The following UTRN variants were observed in gnomAD, a reference collection of about 807,000 sequenced individuals.
UTRN encodes the protein dystrophin-related protein 1.
In UTRN, 283 loss-of-function variants were observed where a neutral mutation model predicts 463.9. The ratio of observed to expected loss-of-function variants is 0.61; its 90% CI spans 0.55 to 0.67. The LOEUF (loss-of-function observed/expected upper bound fraction) is 0.67. Ranked by LOEUF, UTRN falls within the 30% of genes least tolerant of loss-of-function variation. UTRN has a pLI of 0.00. For synonymous variants in UTRN, 1,442 were observed against 1,431.5 expected (o/e 1.01, Z -0.17); for missense variants, 3,922 against 4,084.3 (o/e 0.96, Z 1.08).
chr6:144,828,358 C>G (rs1780370526), intron 68 of UTRN, among the ~76,000 whole-genome samples: 2 of 152,062 alleles, frequency 1.3e-5, no homozygotes, highest in Non-Finnish European at 2.9e-5. Context: ...GTGAAGGACA[C>G]AGAAGTTGAG....
At chr6:144,456,633 C>T (rs1298074253) in intron 19 of UTRN, among the ~76,000 whole-genome samples, 1 of 147,528 alleles carries the variant, frequency 6.8e-6, no homozygotes, top group African/African-American at 2.5e-5. Context: ...AGCCTGGTGA[C>T]AGAGCAAGAC....
intron 46 of UTRN, among the ~76,000 whole-genome samples, chr6:144,547,951 A>AC (rs1798556218): frequency 6.6e-6 from 1 of 152,216 alleles, no homozygotes; most frequent in Non-Finnish European, 1.5e-5. Context: ...AATATATCAT[A>AC]CCTGAAGTAG....
chr6:144,643,843 G>A (rs970144149), intron 51 of UTRN, among the ~76,000 whole-genome samples: 3 of 151,954 alleles, frequency 2.0e-5, no homozygotes, highest in African/African-American at 7.3e-5. Context: ...CCTGAGACTG[G>A]ATCAAAAATT....
chr6:144,577,195 A>G lies in UTRN; in HGVS notation c.7386A>G (p.Ala2462=), dbSNP rs776715514. The part of the protein sequence containing the change: ...LENFLKWIQE[A]ETTVNVLVDA... Reference sequence around the variant, plus strand: ...ACTTCCTGAAGTGGATCCAAGAAGCAGAGACCACAGTGAATGTGCTTGTGG... The same window carrying G: ...ACTTCCTGAAGTGGATCCAAGAAGCGGAGACCACAGTGAATGTGCTTGTGG... Residue 2462 remains alanine (A), a synonymous_variant, in exon 51 of 75, where the codon GCA becomes GCG. Coordinates refer to ENST00000367545, the MANE Select transcript of UTRN (RefSeq NM_007124.3). 1.2e-6 allele frequency: 2 copies of G among 1,613,884 alleles called. No homozygotes were observed. Among genetic ancestry groups the G allele is most frequent in the Non-Finnish European group, 1.7e-6 (2 of 1,179,942 alleles).
chr6:144,612,917 C>T (rs926776736), intron 51 of UTRN, among the ~76,000 whole-genome samples: 1 of 152,038 alleles, frequency 6.6e-6, no homozygotes, highest in Non-Finnish European at 1.5e-5. Flanking sequence ...TTCATTGTAG[C>T]ATTATTCACA....
At chr6:144,556,631 A>G (rs1799408523) in intron 49 of UTRN, among the ~76,000 whole-genome samples, 1 of 152,222 alleles carries the variant, frequency 6.6e-6, no homozygotes, top group Non-Finnish European at 1.5e-5. Flanking sequence ...ATGCCAGTGG[A>G]CAAATTCAGC....
intron 3 of UTRN, among the ~76,000 whole-genome samples, chr6:144,419,662 T>C (rs1472137274): frequency 6.6e-6 from 1 of 152,140 alleles, no homozygotes; most frequent in East Asian, 1.9e-4. Context: ...CTGAATGTTT[T>C]AAAAGATAAT....
chr6:144,795,434 G>A (rs1777128180), intron 63 of UTRN, among the ~76,000 whole-genome samples: 1 of 152,154 alleles, frequency 6.6e-6, no homozygotes, highest in East Asian at 1.9e-4. Flanking sequence ...CTATATCCTT[G>A]AGGAATTGCC....
intron 23 of UTRN, 25 bp from the exon 24 acceptor site, chr6:144,473,695 C>T: frequency 6.3e-7 from 1 of 1,591,262 alleles, no homozygotes; most frequent in South Asian, 1.1e-5. Context: ...AAGTAATATC[C>T]CCCTCTGTTA....
chr6:144,301,540 T>C (rs200796399), intron 2 of UTRN, among the ~76,000 whole-genome samples: 24 of 73,170 alleles, frequency 3.3e-4, no homozygotes, highest in African/African-American at 2.2e-3. Flanking sequence ...TTCTTTCTTT[T>C]TTTTTTTTTT....
At position 144,622,184 on chromosome 6, in the gene UTRN, G is replaced by GTTGTTTT. The variant is rs1371864579; in HGVS notation, c.7479+44898_7479+44899insGTTTTTT. Among the ~76,000 whole-genome samples the GTTGTTTT allele has an allele frequency of 5.0e-4, 44 of 88,216 alleles. No homozygotes were observed. The East Asian group carries it at 6.5e-3, about 13-fold the overall frequency. 57.9% of individuals were successfully genotyped at this position (88,216 alleles called of 152,430 possible). A position where few individuals can be genotyped will look rare whatever the true frequency, so the allele number is the denominator to read the frequency against. ...TAGATGGTATCCATTTTTTTTTGTTGTTTTTTTTTTTTTTTTTTTTTGGAG... is the reference window on the plus strand; with the variant it reads ...TAGATGGTATCCATTTTTTTTTGTTGTTGTTTTTTTTTTTTTTTTTTTTTTTTTGGAG... On this transcript the variant is annotated intron_variant, in intron 51 of 74. Coordinates refer to ENST00000367545, the MANE Select transcript of UTRN (RefSeq NM_007124.3).
chr6:144,574,443 T>C (rs1420669310), intron 50 of UTRN, among the ~76,000 whole-genome samples: 2 of 152,254 alleles, frequency 1.3e-5, no homozygotes, highest in Non-Finnish European at 2.9e-5. Flanking sequence ...TATTCCATTG[T>C]ATCCCTGTAC....
At chr6:144,783,668 A>G (rs1208972710) in intron 61 of UTRN, among the ~76,000 whole-genome samples, 1 of 152,208 alleles carries the variant, frequency 6.6e-6, no homozygotes, top group Non-Finnish European at 1.5e-5. Flanking sequence ...AGAACACTAG[A>G]ACTTATTCCC....
intron 66 of UTRN, among the ~76,000 whole-genome samples, chr6:144,825,053 A>T (rs999352889): frequency 2.0e-5 from 3 of 151,770 alleles, no homozygotes; most frequent in African/African-American, 7.3e-5. Flanking sequence ...CAAAGTGCTG[A>T]GATTATAGGT....
intron 2 of UTRN, among the ~76,000 whole-genome samples, chr6:144,340,145 C>T (rs371564143): frequency 2.6e-5 from 4 of 151,760 alleles, no homozygotes; most frequent in Non-Finnish European, 4.4e-5. Flanking sequence ...CCAGCCTGGG[C>T]GACATAACAA....
chr6:144,539,545 G>T, intron 45 of UTRN, 102 bp downstream of exon 45: 3 of 1,251,070 alleles, frequency 2.4e-6, no homozygotes, highest in South Asian at 1.8e-5. Flanking sequence ...GTCCAAATGG[G>T]GCAAATTTTA....
intron 60 of UTRN, among the ~76,000 whole-genome samples, chr6:144,775,712 G>C (rs1320170798): frequency 6.6e-6 from 1 of 152,120 alleles, no homozygotes; most frequent in African/African-American, 2.4e-5. Context: ...ATAAAATGAG[G>C]ACAAATGACT....
At chr6:144,398,978 C>T (rs555777124) in intron 2 of UTRN, among the ~76,000 whole-genome samples, 1 of 152,146 alleles carries the variant, frequency 6.6e-6, no homozygotes, top group African/African-American at 2.4e-5. Context: ...ACAAAAATAT[C>T]ATTTGAAATG....
chr6:144,728,819 G>C (rs1054488810), intron 53 of UTRN, among the ~76,000 whole-genome samples: 1 of 151,990 alleles, frequency 6.6e-6, no homozygotes, highest in Non-Finnish European at 1.5e-5. Flanking sequence ...AGTAATAATT[G>C]TATAGTTTAA....
Sources: gnomAD v4.1 joint callset for allele counts (sites outside exome capture counted in the v4.1 genomes callset) on GRCh38, gnomAD v4.1.1 for gene constraint, MANE v1.5 for transcripts, NCBI Gene and HGNC (gene_info 2026-07-23, HGNC 2026-07-21) for gene names.